Variants in CALR3 observed in about 807,000 individuals in gnomAD.
CALR3 encodes the protein calreticulin-3.
Under a neutral mutation model 48.7 loss-of-function variants are expected in CALR3, and 39 were observed. The observed-to-expected ratio is 0.80, with a 90% CI of 0.62 to 1.05. The LOEUF (loss-of-function observed/expected upper bound fraction) is 1.05, where lower values mean the gene tolerates loss of function less well. CALR3 is among the 50% of genes least tolerant of loss of function. The probability of loss-of-function intolerance (pLI) is 0.00; values close to 1 mark genes in which losing one functional copy is unlikely to be tolerated. For synonymous variants in CALR3, 185 were observed against 172.7 expected, an observed-to-expected ratio of 1.07 and a Z score of -0.56; for missense variants, 449 against 474.7, an observed-to-expected ratio of 0.95 and a Z score of 0.50.
chr19:16,488,597 A>G (rs576555439), intron 3 of CALR3, among the ~76,000 whole-genome samples: 212 of 152,010 alleles, frequency 1.4e-3, no homozygotes, highest in African/African-American at 5.1e-3. Flanking sequence ...TAGTAGAGAT[A>G]GGGTTTTACC....
chr19:16,482,531 C>T lies in CALR3; in HGVS notation c.837G>A (p.Lys279=). The T allele has an allele frequency of 6.2e-7, 1 of 1,614,248 alleles. No homozygotes were observed. ...GCGTCAAATAGTCGGTATTCTTCATCTTACGGTGGAGCCAGACGTCTTTAT... is the reference window on the plus strand; with the variant it reads ...GCGTCAAATAGTCGGTATTCTTCATTTTACGGTGGAGCCAGACGTCTTTAT... The part of the protein sequence containing the change: ...GIHKDVWLHR[K]MKNTDYLTQY... The change falls in exon 7 of 9, where the codon AAG becomes AAA. Residue 279 remains lysine (K), a synonymous_variant. Transcript: ENST00000269881.
chr19:16,489,120 A>G (rs910370454), intron 3 of CALR3, among the ~76,000 whole-genome samples: 1 of 152,236 alleles, frequency 6.6e-6, no homozygotes, highest in Non-Finnish European at 1.5e-5. Context: ...TTTAGTTCAC[A>G]GGTTATATAA....
intron 3 of CALR3, among the ~76,000 whole-genome samples, chr19:16,486,049 C>G (rs2093388519): frequency 1.3e-5 from 2 of 152,016 alleles, no homozygotes; most frequent in African/African-American, 4.8e-5. Context: ...TTTAAATATT[C>G]AAAGTGGCCT....
At chr19:16,488,752 G>A (rs1230959082) in intron 3 of CALR3, among the ~76,000 whole-genome samples, 1 of 152,148 alleles carries the variant, frequency 6.6e-6, no homozygotes, top group African/African-American at 2.4e-5. Context: ...CTATACTTAG[G>A]TCTATTTCCT....
intron 8 of CALR3, 81 bp from the exon 9 acceptor site, chr19:16,479,355 G>A: frequency 1.3e-6 from 2 of 1,529,518 alleles, no homozygotes; most frequent in Non-Finnish European, 1.8e-6. Context: ...GGAGGCCGAG[G>A]CAGATGGATC....
At chr19:16,486,297 C>T (rs2093388856) in intron 3 of CALR3, among the ~76,000 whole-genome samples, 2 of 150,602 alleles carry the variant, frequency 1.3e-5, no homozygotes, top group Non-Finnish European at 3.0e-5. Context: ...GCCTGGGTGA[C>T]CAAGCGAGAC....
rs570855822 is a variant in CALR3 at position 16,479,381 on chromosome 19, C to T, written c.1012-107G>A. 1.6e-5 allele frequency: 20 copies of T among 1,238,116 alleles called. No individual in the cohort carries two copies. In the Middle Eastern group the frequency reaches 1.4e-3, roughly 84 times the overall value. The allele number at this position is 1,238,116 out of a possible 1,614,324, so 76.7% of individuals were successfully genotyped here. ...CAGATGGATCACGAAGTCAGGAGATCGAGACCATCCCGGCTAACACGGTGA... is the reference window on the plus strand; with the variant it reads ...CAGATGGATCACGAAGTCAGGAGATTGAGACCATCCCGGCTAACACGGTGA... On this transcript the variant is annotated intron_variant, in intron 8 of 8. Coordinates refer to ENST00000269881, the MANE Select transcript of CALR3 (RefSeq NM_145046.5).
chr19:16,494,118 T>TG (rs2093402107), intron 2 of CALR3, among the ~76,000 whole-genome samples: 1 of 151,910 alleles, frequency 6.6e-6, no homozygotes, highest in Admixed American at 6.6e-5. Flanking sequence ...TGGAGTGCAG[T>TG]GGTACAATCT....
At chr19:16,488,526 T>C (rs1362353887) in intron 3 of CALR3, among the ~76,000 whole-genome samples, 2 of 152,110 alleles carry the variant, frequency 1.3e-5, no homozygotes, top group African/African-American at 4.8e-5. Context: ...TGCCTCAGCC[T>C]CCTGAGTACC....
rs2093384692 is a variant in CALR3 at position 16,483,915 on chromosome 19, A to G, written c.678+15T>C. The G allele has an allele frequency of 1.2e-6, 2 of 1,613,404 alleles. No individual in the cohort carries two copies. The highest frequency in any genetic ancestry group is 1.7e-6 in the Non-Finnish European group (2 of 1,179,630). On this transcript the variant is annotated intron_variant, in intron 5 of 8. Coordinates refer to ENST00000269881, the MANE Select transcript of CALR3 (RefSeq NM_145046.5). ...ATTTGTGCACTTTTTAGAGTTGCCC[A>G]GGAAAAATTCACACCTGGGCTTTGT... is the stretch of plus-strand genomic sequence containing the variant.
At chr19:16,484,938 C>G (rs1304927759) in intron 4 of CALR3, among the ~76,000 whole-genome samples, 1 of 152,106 alleles carries the variant, frequency 6.6e-6, no homozygotes, top group East Asian at 1.9e-4. Flanking sequence ...TCATAGCTCA[C>G]AGTAAAAAAT....
intron 7 of CALR3, among the ~76,000 whole-genome samples, chr19:16,481,232 G>A (rs1250784858): frequency 6.6e-6 from 1 of 151,958 alleles, no homozygotes; most frequent in Non-Finnish European, 1.5e-5. Flanking sequence ...TTACAGGCGT[G>A]AGCCATACTG....
chr19:16,485,101 T>C, intron 4 of CALR3, 62 bp downstream of exon 4: 1 of 1,145,962 alleles, frequency 8.7e-7, no homozygotes, highest in Non-Finnish European at 1.3e-6. Context: ...ATCAAAACTA[T>C]TTTTTCTAAA....
At chr19:16,479,297 TA>T in intron 8 of CALR3, 23 bp from the exon 9 acceptor site, 8 of 1,613,268 alleles carry the variant, frequency 5.0e-6, no homozygotes, top group Non-Finnish European at 6.8e-6. Flanking sequence ...AGAAAAAACA[TA>T]AGCCCCACCG....
intron 7 of CALR3, among the ~76,000 whole-genome samples, chr19:16,481,040 G>A (rs1189600947): frequency 6.6e-6 from 1 of 152,074 alleles, no homozygotes; most frequent in Non-Finnish European, 1.5e-5. Context: ...TGTAGTCCCA[G>A]CTACTTGGGA....
chr19:16,479,287 A>C lies in CALR3; in HGVS notation c.1012-13T>G. On this transcript the variant is annotated splice_polypyrimidine_tract_variant and intron_variant, in intron 8 of 8. Transcript: ENST00000269881. ...CCCTTTCTGGACCCTGGAGAAAGAA[A>C]GAAAAAACATAAGCCCCACCGGGTG... 1.2e-6 allele frequency: 2 copies of C among 1,613,912 alleles called. No individual in the cohort carries two copies. Among genetic ancestry groups the C allele is most frequent in the South Asian group, 2.2e-5 (2 of 91,082 alleles).
At chr19:16,479,946 T>C (rs2122123745) in intron 8 of CALR3, among the ~76,000 whole-genome samples, 1 of 152,192 alleles carries the variant, frequency 6.6e-6, no homozygotes, top group African/African-American at 2.4e-5. Context: ...GGCTCACACC[T>C]GTAATCCCAG....
chr19:16,485,169 C>T lies in CALR3; in HGVS notation c.486G>A (p.Arg162=). 1 of 1,593,406 alleles carries T rather than the reference C, an allele frequency of 6.3e-7. No individual in the cohort carries two copies. The highest frequency in any genetic ancestry group is 1.7e-5 in the Admixed American group (1 of 59,924). Residue 162 remains arginine (R), a synonymous_variant, in exon 4 of 9, where the codon AGG becomes AGA. Coordinates refer to ENST00000269881, the MANE Select transcript of CALR3 (RefSeq NM_145046.5). The part of the protein sequence containing the change: ...NKYHENKKLI[R]CKVDGFTHLY... ...TGAATACAAGAGCAGTTACCTTACA[C>T]CTGATCAGTTTCTTGTTTTCGTGAT... is the stretch of plus-strand genomic sequence containing the variant.
chr19:16,490,595 G>C (rs757349988), intron 2 of CALR3, 25 bp from the exon 3 acceptor site: 24 of 1,601,882 alleles, frequency 1.5e-5, no homozygotes, highest in Non-Finnish European at 2.0e-5. Flanking sequence ...TACTCATGAA[G>C]GATCAGGAAT....
Sources: allele counts gnomAD v4.1 joint callset (sites outside exome capture counted in the v4.1 genomes callset), GRCh38; gene constraint gnomAD v4.1.1; transcripts MANE v1.5; gene names NCBI Gene and HGNC (gene_info 2026-07-23, HGNC 2026-07-21).